Variants in DAZAP1 observed in about 807,000 individuals in gnomAD.
DAZAP1 encodes DAZ-associated protein 1.
A neutral mutation model predicts 60.1 loss-of-function variants in DAZAP1; 6 were observed. The ratio of observed to expected loss-of-function variants is 0.10; its 90% CI spans 0.05 to 0.20. The LOEUF (loss-of-function observed/expected upper bound fraction) is 0.20. Ranked by LOEUF, DAZAP1 falls within the 10% of genes least tolerant of loss-of-function variation. The pLI, the probability that DAZAP1 is intolerant of heterozygous loss-of-function variation, is 1.00. For synonymous variants in DAZAP1, 235 were observed against 215.9 expected (o/e 1.09, Z -0.78); for missense variants, 366 against 560.4 (o/e 0.65, Z 3.50).
Position 1,407,798 on chromosome 19 carries a change from A to T in DAZAP1, c.25A>T (p.Ile9Phe). The T allele has an allele frequency of 9.3e-7, 1 of 1,075,272 alleles. No homozygotes were observed. The highest frequency in any genetic ancestry group is 1.1e-6 in the Non-Finnish European group (1 of 888,406). 66.6% of individuals were successfully genotyped at this position (1,075,272 alleles called of 1,614,324 possible). The change falls in exon 1 of 12, where the codon ATC becomes TTC. Residue 9 changes from isoleucine to phenylalanine, a missense_variant. Ile to Phe is a conservative substitution (Grantham distance 21). Around this residue, in one of 3 missense-constraint regions of DAZAP1, gnomAD observed 98 missense variants for 155.3 expected, o/e 0.63. Transcript: ENST00000233078. ...CATGAACAACTCGGGCGCCGACGAGATCGGGTGAGGACGAGCGGCGCGGGC... is the reference window on the plus strand; with the variant it reads ...CATGAACAACTCGGGCGCCGACGAGTTCGGGTGAGGACGAGCGGCGCGGGC... MNNSGADEIGKLFVGGLDW... is the reference protein window; with the variant it reads MNNSGADEFGKLFVGGLDW...
rs925326765 is a variant in DAZAP1, at chr19:1,418,113, C to T, written c.71-91C>T. On this transcript the variant is annotated intron_variant, in intron 2 of 11. Coordinates refer to ENST00000233078, the MANE Select transcript of DAZAP1 (RefSeq NM_018959.4). The surrounding 1 kb of genome is among the most constrained non-coding windows in gnomAD (Gnocchi z 5.7). ...CATCGCTCGGTGCGTGGCTGGTGGACTGGAGGAGTGTGCGTGCCGGCAGCA... is the reference window on the plus strand; with the variant it reads ...CATCGCTCGGTGCGTGGCTGGTGGATTGGAGGAGTGTGCGTGCCGGCAGCA... The T allele has an allele frequency of 7.3e-7, 1 of 1,362,170 alleles. No individual in the cohort carries two copies. Among genetic ancestry groups the T allele is most frequent in the Admixed American group, 1.7e-5 (1 of 57,212 alleles). The allele number at this position is 1,362,170 out of a possible 1,614,324, so 84.4% of individuals were successfully genotyped here.
At chr19:1,419,783 C>G (rs1414014313) in intron 4 of DAZAP1, among the ~76,000 whole-genome samples, 1 of 151,602 alleles carries the variant, frequency 6.6e-6, no homozygotes, top group Non-Finnish European at 1.5e-5. Flanking sequence ...ACTCACCCCA[C>G]GCACACACTC....
chr19:1,430,226 C>T lies in DAZAP1; in HGVS notation c.735C>T (p.Gly245=). ...MWVPAGQAIG[G]YGPPPAGRGA... is the part of the protein sequence containing the mutation. ...CCCCCGTACTGTGTGTTTCAGGTGG[C>T]TATGGACCGCCCCCTGCAGGAAGAG... Residue 245 remains glycine (G), a synonymous_variant, in exon 10 of 12, where the codon GGC becomes GGT. Transcript: ENST00000233078. The T allele has an allele frequency of 6.3e-7, 1 of 1,584,318 alleles. No individual in the cohort carries two copies. The highest frequency in any genetic ancestry group is 1.2e-5 in the South Asian group (1 of 86,428).
intron 8 of DAZAP1, 27 bp downstream of exon 8, chr19:1,429,022 G>A: frequency 6.5e-7 from 1 of 1,548,014 alleles, no homozygotes; most frequent in Non-Finnish European, 8.7e-7. Context: ...GGTGCCCACG[G>A]GAATGTCCCC....
chr19:1,415,351 T>TTGTGTGTGTGTG (rs777866840), intron 1 of DAZAP1, among the ~76,000 whole-genome samples: 7 of 69,942 alleles, frequency 1.0e-4, no homozygotes, highest in East Asian at 4.0e-4. Flanking sequence ...TTTCAGGGTT[T>TTGTGTGTGTGTG]TATGTGTGTG....
intron 7 of DAZAP1, chr19:1,427,506 G>A (rs1320748291): frequency 6.6e-6 from 1 of 152,266 alleles, no homozygotes; most frequent in Non-Finnish European, 1.5e-5. Flanking sequence ...TGGAGTGTTT[G>A]GTACCGCGTG....
intron 1 of DAZAP1, among the ~76,000 whole-genome samples, chr19:1,408,450 C>T (rs1026960418): frequency 1.3e-5 from 2 of 152,232 alleles, no homozygotes; most frequent in African/African-American, 4.8e-5. Flanking sequence ...TGGCGGGCGG[C>T]GCACGTGGCG....
chr19:1,430,146 C>G, intron 9 of DAZAP1, 76 bp from the exon 10 acceptor site: 1 of 1,520,252 alleles, frequency 6.6e-7, no homozygotes, highest in Non-Finnish European at 9.0e-7. Context: ...GGGCCCCTGG[C>G]AGGCCTGGGT....
intron 1 of DAZAP1, among the ~76,000 whole-genome samples, chr19:1,414,815 T>C (rs1409448695): frequency 6.6e-6 from 1 of 151,772 alleles, no homozygotes; most frequent in African/African-American, 2.4e-5. Context: ...TATTTAAGAG[T>C]ATTTTTTATT....
At position 1,431,449 on chromosome 19, in the gene DAZAP1, G is replaced by C. The variant is rs1303202528; in HGVS notation, c.872-1065G>C. Among the ~76,000 whole-genome samples the C allele has an allele frequency of 2.6e-5, 4 of 151,996 alleles. No homozygotes were observed. In the East Asian group the frequency reaches 7.7e-4, roughly 29 times the overall value. ...CGGACTATTTTATTTATTTTTTTGA[G>C]ATGGAGTTTCACTTTTGTTGCCCAG... On this transcript the variant is annotated intron_variant, in intron 10 of 11. Transcript: ENST00000233078.
chr19:1,413,341 C>A (rs1173365102), intron 1 of DAZAP1, among the ~76,000 whole-genome samples: 1 of 152,220 alleles, frequency 6.6e-6, no homozygotes, highest in Non-Finnish European at 1.5e-5. Context: ...AGGTGCCTGC[C>A]CAGGGCTCCG....
At position 1,432,734 on chromosome 19, in the gene DAZAP1, C is replaced by T; in HGVS notation, c.1048+44C>T. On this transcript the variant is annotated intron_variant, in intron 11 of 11. Transcript: ENST00000233078. The surrounding 1 kb of genome is among the most constrained non-coding windows in gnomAD (Gnocchi z 4.9). ...TGCCGCGTCCCCGCTGGCCCCAGGA[C>T]CCTGGGCACGGCCTGCCTTCTTCTG... is the stretch of plus-strand genomic sequence containing the variant. 1 of 1,536,906 alleles carries T rather than the reference C, an allele frequency of 6.5e-7. No individual in the cohort carries two copies. The highest frequency in any genetic ancestry group is 8.8e-7 in the Non-Finnish European group (1 of 1,138,082).
At chr19:1,424,859 C>T (rs2083267230) in intron 6 of DAZAP1, among the ~76,000 whole-genome samples, 1 of 152,200 alleles carries the variant, frequency 6.6e-6, no homozygotes, top group African/African-American at 2.4e-5. Flanking sequence ...CTGGGCCCCG[C>T]CTCGGGAGGA....
At chr19:1,427,070 T>A (rs2083322283) in intron 7 of DAZAP1, 1 of 152,218 alleles carries the variant, frequency 6.6e-6, no homozygotes, top group Non-Finnish European at 1.5e-5. Context: ...CAGACTTCAT[T>A]AATTCCATTT....
rs752182913 is a variant in DAZAP1 at position 1,434,387 on chromosome 19, C to T, written c.1049-350C>T. ...CCAGCTTTCTAGAAGCCTGGTCCAC[C>T]GTGCCTTGGGCCATGTGTGTCTCCA... On this transcript the variant is annotated intron_variant, in intron 11 of 11. Transcript: ENST00000233078. The surrounding 1 kb of genome is among the most constrained non-coding windows in gnomAD (Gnocchi z 8.0). The T allele has an allele frequency of 9.1e-5, 23 of 253,618 alleles. No homozygotes were observed. The highest frequency in any genetic ancestry group is 3.0e-4 in the African/African-American group (13 of 43,938). 15.7% of individuals were successfully genotyped at this position (253,618 alleles called of 1,614,324 possible). A position where few individuals can be genotyped will look rare whatever the true frequency, so the allele number is the denominator to read the frequency against.
At position 1,428,698 on chromosome 19, in the gene DAZAP1, G is replaced by A; in HGVS notation, c.547-144G>A. On this transcript the variant is annotated intron_variant, in intron 7 of 11. Coordinates refer to ENST00000233078, the MANE Select transcript of DAZAP1 (RefSeq NM_018959.4). This position sits in a 1 kb window ranked among gnomAD's most constrained non-coding sequence, Gnocchi z 4.0. ...AATTTTTTAAGAAAAAAATGCTACTGGCCTAAATAAGGTTTATAGTTAAGT... is the reference window on the plus strand; with the variant it reads ...AATTTTTTAAGAAAAAAATGCTACTAGCCTAAATAAGGTTTATAGTTAAGT... The A allele has an allele frequency of 1.0e-6, 1 of 996,352 alleles. No homozygotes were observed. The allele number at this position is 996,352 out of a possible 1,614,324, so 61.7% of individuals were successfully genotyped here. A position where few individuals can be genotyped will look rare whatever the true frequency, so the allele number is the denominator to read the frequency against.
chr19:1,418,607 C>A lies in DAZAP1; in HGVS notation c.238-59C>A. On this transcript the variant is annotated intron_variant, in intron 3 of 11. Transcript: ENST00000233078. This position sits in a 1 kb window ranked among gnomAD's most constrained non-coding sequence, Gnocchi z 5.7. ...GCCGTGGCTGCTGTTGTGCTGACAC[C>A]CTCTTTCCTAGAGAAACAGCCTCTT... The A allele has an allele frequency of 1.9e-6, 3 of 1,605,124 alleles. No individual in the cohort carries two copies. Among genetic ancestry groups the A allele is most frequent in the Non-Finnish European group, 2.6e-6 (3 of 1,172,144 alleles).
chr19:1,432,496 C>T lies in DAZAP1; in HGVS notation c.872-18C>T, dbSNP rs764845936. On this transcript the variant is annotated intron_variant, in intron 10 of 11. Transcript: ENST00000233078. The surrounding 1 kb of genome is among the most constrained non-coding windows in gnomAD (Gnocchi z 4.9). ...CTGCACAACGTGTCTTGTGCCTTGC[C>T]CTCTTGTACCTCTGCAGGTTTTGGC... 3.7e-6 allele frequency: 6 copies of T among 1,613,584 alleles called. No individual in the cohort carries two copies. The highest frequency in any genetic ancestry group is 2.2e-5 in the South Asian group (2 of 91,070).
chr19:1,413,557 T>A (rs1406020526), intron 1 of DAZAP1, among the ~76,000 whole-genome samples: 2 of 152,240 alleles, frequency 1.3e-5, no homozygotes, highest in Non-Finnish European at 2.9e-5. Context: ...GAGAAGGTGT[T>A]CGCCGGTGGC....
Sources: allele counts gnomAD v4.1 joint callset (sites outside exome capture counted in the v4.1 genomes callset), GRCh38; gene constraint gnomAD v4.1.1; regional missense constraint gnomAD v4.1.1; non-coding constraint Gnocchi (gnomAD v3.1); transcripts MANE v1.5; gene names NCBI Gene and HGNC (gene_info 2026-07-23, HGNC 2026-07-21).